The following TAFA2 variants were observed in gnomAD, a reference collection of about 807,000 sequenced individuals.
TAFA2 encodes chemokine-like protein TAFA-2.
TAFA2 carries 7 observed loss-of-function variants against 18.8 expected under a neutral mutation model. The ratio of observed to expected loss-of-function variants is 0.37; its 90% CI spans 0.21 to 0.70. TAFA2 has a LOEUF of 0.70. Ranked by LOEUF, TAFA2 falls within the 30% of genes least tolerant of loss-of-function variation. The pLI is 0.53. For missense variants in TAFA2, 122 were observed against 158.1 expected, an observed-to-expected ratio of 0.77 and a Z score of 1.23; for synonymous variants, 60 against 54.2, an observed-to-expected ratio of 1.11 and a Z score of -0.47.
At chr12:62,187,517 G>A (rs370025251) in intron 1 of TAFA2, among the ~76,000 whole-genome samples, 3 of 152,142 alleles carry the variant, frequency 2.0e-5, no homozygotes, top group African/African-American at 4.8e-5. Context: ...ATGTATGCAT[G>A]TGCATATATG....
intron 1 of TAFA2, among the ~76,000 whole-genome samples, chr12:61,890,045 C>T (rs1050515539): frequency 3.9e-5 from 6 of 152,206 alleles, no homozygotes; most frequent in African/African-American, 1.4e-4. Context: ...GAGTTGAAGA[C>T]TCTCATTTTA....
chr12:62,147,453 G>A (rs368738692), intron 1 of TAFA2, among the ~76,000 whole-genome samples: 44 of 148,600 alleles, frequency 3.0e-4, no homozygotes, highest in East Asian at 7.9e-4. Flanking sequence ...ACTATCGGCC[G>A]GGCATGGTGG....
At chr12:61,860,933 G>A (rs1386675505) in intron 2 of TAFA2, among the ~76,000 whole-genome samples, 1 of 152,110 alleles carries the variant, frequency 6.6e-6, no homozygotes, top group Non-Finnish European at 1.5e-5. Flanking sequence ...TAGGACATGA[G>A]TCATGTCTGT....
At chr12:62,203,616 A>G (rs1245658) in intron 1 of TAFA2, among the ~76,000 whole-genome samples, 133,214 of 152,226 alleles carry the variant, frequency 0.88, 58,390 homozygotes, top group Middle Eastern at 0.93. Context: ...TTTAATCTTC[A>G]TTGGTTTAAA....
intron 1 of TAFA2, among the ~76,000 whole-genome samples, chr12:62,093,721 T>C (rs781386643): frequency 2.0e-5 from 3 of 152,006 alleles, no homozygotes; most frequent in Non-Finnish European, 2.9e-5. Flanking sequence ...AAAGCCTACA[T>C]TGCACTCTTT....
intron 1 of TAFA2, among the ~76,000 whole-genome samples, chr12:61,910,655 T>A (rs1231667141): frequency 6.6e-6 from 1 of 152,188 alleles, no homozygotes; most frequent in Non-Finnish European, 1.5e-5. Context: ...GACAATAAGA[T>A]TTTGTAGGCT....
At chr12:61,968,689 A>T (rs1879147704) in intron 1 of TAFA2, among the ~76,000 whole-genome samples, 1 of 151,770 alleles carries the variant, frequency 6.6e-6, no homozygotes, top group Admixed American at 6.6e-5. Flanking sequence ...TTCACACATT[A>T]TCTTAGTCAA....
chr12:62,209,363 G>C (rs1453105701), intron 1 of TAFA2, among the ~76,000 whole-genome samples: 2 of 152,206 alleles, frequency 1.3e-5, no homozygotes, highest in Non-Finnish European at 2.9e-5. Flanking sequence ...TGTGAAAAGA[G>C]TGCCTTGCTT....
intron 2 of TAFA2, among the ~76,000 whole-genome samples, chr12:61,761,150 T>C (rs1216182037): frequency 6.6e-6 from 1 of 151,998 alleles, no homozygotes; most frequent in African/African-American, 2.4e-5. Context: ...TTTCTAAATA[T>C]TTTCTGAAGC....
At chr12:62,157,075 A>G (rs1004327691) in intron 1 of TAFA2, among the ~76,000 whole-genome samples, 4 of 152,206 alleles carry the variant, frequency 2.6e-5, no homozygotes, top group African/African-American at 4.8e-5. Flanking sequence ...AACTGTAATT[A>G]TGCAGTTTGT....
At chr12:61,955,275 C>A (rs1009682850) in intron 1 of TAFA2, among the ~76,000 whole-genome samples, 1 of 151,932 alleles carries the variant, frequency 6.6e-6, no homozygotes, top group Non-Finnish European at 1.5e-5. Context: ...ATCCTGTTTA[C>A]CTTCACAGAA....
chr12:61,817,368 T>A (rs764708772), intron 2 of TAFA2, among the ~76,000 whole-genome samples: 3 of 152,194 alleles, frequency 2.0e-5, no homozygotes, highest in Non-Finnish European at 4.4e-5. Flanking sequence ...TTATTATTAT[T>A]ATAGTGAAAC....
At position 62,230,621 on chromosome 12, in the gene TAFA2, G is replaced by C. The variant is rs532945579; in HGVS notation, c.-130+28142C>G. On this transcript the variant is annotated intron_variant, in intron 1 of 5. Transcript: ENST00000551619. ...TTGAATTTGTTGAGGCTTGTTTTGTGGCCTAACATAAGGTCTATTCTAAAG... is the reference window on the plus strand; with the variant it reads ...TTGAATTTGTTGAGGCTTGTTTTGTCGCCTAACATAAGGTCTATTCTAAAG... Among the ~76,000 whole-genome samples the C allele has an allele frequency of 1.4e-3, 211 of 152,176 alleles. 1 individual carries two copies. The highest frequency in any genetic ancestry group is 4.9e-3 in the African/African-American group (204 of 41,526).
intron 1 of TAFA2, among the ~76,000 whole-genome samples, chr12:62,155,745 A>G (rs1326274428): frequency 2.0e-5 from 3 of 152,216 alleles, no homozygotes; most frequent in Admixed American, 2.0e-4. Context: ...AGCCACATGT[A>G]GGAGAATGAA....
chr12:62,159,700 G>A (rs112122407), intron 1 of TAFA2, among the ~76,000 whole-genome samples: 146 of 152,102 alleles, frequency 9.6e-4, no homozygotes, highest in Middle Eastern at 3.4e-3. Context: ...GGACTTTAGG[G>A]ACTTGGGGGA....
At chr12:62,133,223 C>T (rs1189605163) in intron 1 of TAFA2, among the ~76,000 whole-genome samples, 1 of 151,994 alleles carries the variant, frequency 6.6e-6, no homozygotes, top group African/African-American at 2.4e-5. Context: ...CCTGTTGACA[C>T]ACTCCCAAAG....
At chr12:61,721,020 G>T in intron 4 of TAFA2, 3 of 472,140 alleles carry the variant, frequency 6.4e-6, no homozygotes, top group South Asian at 4.6e-5. Flanking sequence ...AGCATAAAGG[G>T]ACAACAAGAC....
intron 1 of TAFA2, among the ~76,000 whole-genome samples, chr12:62,071,716 T>G (rs1319276161): frequency 6.6e-6 from 1 of 152,300 alleles, no homozygotes; most frequent in African/African-American, 2.4e-5. Context: ...CAATTTGAGA[T>G]AGCTTTTGAA....
chr12:62,026,933 T>C (rs987676922), intron 1 of TAFA2, among the ~76,000 whole-genome samples: 10 of 152,114 alleles, frequency 6.6e-5, no homozygotes, highest in Admixed American at 3.3e-4. Flanking sequence ...TTCATAATAA[T>C]TTTAGGGTCT....
Sources: gnomAD v4.1 joint callset for allele counts (sites outside exome capture counted in the v4.1 genomes callset) on GRCh38, gnomAD v4.1.1 for gene constraint, MANE v1.5 for transcripts, NCBI Gene and HGNC (gene_info 2026-07-23, HGNC 2026-07-21) for gene names.